RGS12: variants seen among roughly 807,000 people sequenced by gnomAD.
RGS12 encodes regulator of G-protein signaling 12.
A neutral mutation model predicts 120.1 loss-of-function variants in RGS12; 66 were observed. The ratio of observed to expected loss-of-function variants is 0.55; its 90% CI spans 0.45 to 0.67. RGS12 has a LOEUF of 0.67. Ranked by LOEUF, RGS12 falls within the 30% of genes least tolerant of loss-of-function variation. The probability of loss-of-function intolerance (pLI) is 0.00; values close to 1 mark genes in which losing one functional copy is unlikely to be tolerated. For missense variants in RGS12, 1,859 were observed against 1,957.7 expected (o/e 0.95, Z 0.95); for synonymous variants, 827 against 804.7 (o/e 1.03, Z -0.47).
chr4:3,376,247 A>AACACACACACACACACACAC (rs55666879), intron 3 of RGS12, among the ~76,000 whole-genome samples: 1 of 143,492 alleles, frequency 7.0e-6, no homozygotes, highest in African/African-American at 2.6e-5. Flanking sequence ...AGCTCCTTGG[A>AACACACACACACACACACAC]ACACACACAC....
At chr4:3,296,061 C>T (rs1173143675) in intron 1 of RGS12, among the ~76,000 whole-genome samples, 3 of 148,926 alleles carry the variant, frequency 2.0e-5, no homozygotes, top group Non-Finnish European at 1.5e-5. Context: ...GTTCACCCCC[C>T]TGGTCAGCTT....
At chr4:3,354,899 A>G (rs1714714243) in intron 3 of RGS12, among the ~76,000 whole-genome samples, 1 of 152,226 alleles carries the variant, frequency 6.6e-6, no homozygotes. Context: ...AATGAAACAG[A>G]AAAATGACAA....
intron 2 of RGS12, 128 bp downstream of exon 2, chr4:3,318,179 C>A (rs1724934199): frequency 1.2e-6 from 1 of 820,904 alleles, no homozygotes; most frequent in Non-Finnish European, 1.9e-6. Flanking sequence ...GCCTCTGTGG[C>A]CATCACAGGG....
intron 2 of RGS12, among the ~76,000 whole-genome samples, chr4:3,340,574 A>C (rs1712960725): frequency 6.6e-6 from 1 of 152,234 alleles, no homozygotes; most frequent in South Asian, 2.1e-4. Context: ...ATCAGTCACC[A>C]CAGAAGAGCA....
intron 9 of RGS12, chr4:3,418,044 A>G (rs1197492499): frequency 6.5e-6 from 1 of 154,170 alleles, no homozygotes; most frequent in African/African-American, 2.4e-5. Context: ...ATGTAGTAGC[A>G]TAGTTGGAGT....
At chr4:3,362,614 TGAG>T (rs1256536651) in intron 3 of RGS12, among the ~76,000 whole-genome samples, 1 of 107,206 alleles carries the variant, frequency 9.3e-6, no homozygotes, top group Non-Finnish European at 1.9e-5. Flanking sequence ...GAGGATGTCG[TGAG>T]GGGGTGTGTG....
rs1713409822 is a variant in RGS12, at chr4:3,343,068, A to G, written c.1998+15A>G. The G allele has an allele frequency of 1.3e-6, 2 of 1,571,150 alleles. No homozygotes were observed. Among genetic ancestry groups the G allele is most frequent in the Non-Finnish European group, 1.7e-6 (2 of 1,143,262 alleles). On this transcript the variant is annotated intron_variant, in intron 3 of 17. Transcript: ENST00000336727. ...ATGATCTTGAGGTAATTTAATTTTC[A>G]TTTTTCTTCTTTTCTCCTTCAAGTT...
chr4:3,423,959 A>G (rs755435227), intron 13 of RGS12: 44 of 249,914 alleles, frequency 1.8e-4, no homozygotes, highest in Non-Finnish European at 2.6e-4. Context: ...CAATGTGATC[A>G]GATAAGAGAG....
intron 3 of RGS12, among the ~76,000 whole-genome samples, chr4:3,356,530 C>T (rs1714913502): frequency 6.6e-6 from 1 of 152,004 alleles, no homozygotes; most frequent in South Asian, 2.1e-4. Context: ...CACTAATTCC[C>T]CATTCCCCCC....
At chr4:3,382,954 C>T (rs1168727695) in intron 3 of RGS12, among the ~76,000 whole-genome samples, 1 of 152,124 alleles carries the variant, frequency 6.6e-6, no homozygotes, top group Non-Finnish European at 1.5e-5. Flanking sequence ...GTTGTCTCTG[C>T]TGATACCCAC....
At chr4:3,306,220 G>A (rs866670609) in intron 1 of RGS12, among the ~76,000 whole-genome samples, 1 of 152,238 alleles carries the variant, frequency 6.6e-6, no homozygotes, top group Admixed American at 6.5e-5. Flanking sequence ...TTGTCTTGAT[G>A]TCACATGCAC....
intron 4 of RGS12, among the ~76,000 whole-genome samples, chr4:3,395,899 T>A (rs572253838): frequency 6.6e-6 from 1 of 152,320 alleles, no homozygotes; most frequent in African/African-American, 2.4e-5. Context: ...GATACCAAAA[T>A]CTGCAGATAC....
chr4:3,286,036 C>G, the RGS12 span, among the ~76,000 whole-genome samples: 1 of 152,256 alleles, frequency 6.6e-6, no homozygotes, highest in Non-Finnish European at 1.5e-5. Context: ...ACCAAAAGAA[C>G]GGAGCCCAGG....
intron 17 of RGS12, among the ~76,000 whole-genome samples, chr4:3,435,355 C>T (rs1033111363): frequency 6.6e-6 from 1 of 152,146 alleles, no homozygotes; most frequent in African/African-American, 2.4e-5. Flanking sequence ...TCCTCGGCAG[C>T]TCCCGTGCCC....
At chr4:3,376,703 C>T (rs112327663) in intron 3 of RGS12, among the ~76,000 whole-genome samples, 3 of 152,320 alleles carry the variant, frequency 2.0e-5, no homozygotes, top group African/African-American at 7.2e-5. Context: ...ATTGATTTGC[C>T]GGTCCCTTGG....
chr4:3,362,439 GGTGT>G (rs961882489), intron 3 of RGS12, among the ~76,000 whole-genome samples: 18 of 149,558 alleles, frequency 1.2e-4, no homozygotes, highest in South Asian at 2.1e-4. Context: ...GTTGTGCAAG[GGTGT>G]GTGTGTGAGG....
chr4:3,431,667 A>T, intron 17 of RGS12: 9 of 985,726 alleles, frequency 9.1e-6, no homozygotes, highest in Non-Finnish European at 1.1e-5. Context: ...GCCGGTAGGG[A>T]AAGGTGTTTC....
Position 3,422,775 on chromosome 4 carries a change from C to T in RGS12, c.3034-130C>T, listed in dbSNP as rs966419047. 1.3e-5 allele frequency: 13 copies of T among 1,004,360 alleles called. 2 individuals carry two copies. The highest frequency in any genetic ancestry group is 9.4e-5 in the Admixed American group (5 of 52,944). The allele number at this position is 1,004,360 out of a possible 1,614,324, so 62.2% of individuals were successfully genotyped here. ...GCTGGGTTGGTGTGGAAAGGGTGAT[C>T]GCTTTCTTTGGATGGCTGTTTTTGA... On this transcript the variant is annotated intron_variant, in intron 11 of 17. Transcript: ENST00000336727.
intron 2 of RGS12, among the ~76,000 whole-genome samples, chr4:3,336,576 T>C (rs1712490297): frequency 6.6e-6 from 1 of 152,198 alleles, no homozygotes; most frequent in African/African-American, 2.4e-5. Context: ...CACCAAGCAC[T>C]GTGGGAGGGG....
Sources: allele counts gnomAD v4.1 joint callset (sites outside exome capture counted in the v4.1 genomes callset), GRCh38; gene constraint gnomAD v4.1.1; transcripts MANE v1.5; gene names NCBI Gene and HGNC (gene_info 2026-07-23, HGNC 2026-07-21).